Variants in CSMD3 observed in about 807,000 individuals in gnomAD.
The protein encoded by CSMD3 is CUB and Sushi multiple domains 3.
Under a neutral mutation model 435.2 loss-of-function variants are expected in CSMD3, and 177 were observed. That is an observed-to-expected ratio of 0.41 (90% CI 0.36 to 0.46). CSMD3 has a LOEUF of 0.46. Among genes scored for constraint, CSMD3 ranks in the 20% least tolerant of loss-of-function variants. The pLI is 0.34. For missense variants in CSMD3, 4,265 were observed against 4,504.6 expected (o/e 0.95, Z 1.52); for synonymous variants, 1,656 against 1,520.5 (o/e 1.09, Z -2.07).
At chr8:113,244,458 G>A (rs1203652181) in intron 3 of CSMD3, among the ~76,000 whole-genome samples, 1 of 152,130 alleles carries the variant, frequency 6.6e-6, no homozygotes, top group Admixed American at 6.6e-5. Flanking sequence ...TGGGATTACA[G>A]GCATGTGTCA....
intron 4 of CSMD3, among the ~76,000 whole-genome samples, chr8:113,156,503 A>T (rs1271211056): frequency 6.6e-6 from 1 of 151,922 alleles, no homozygotes; most frequent in East Asian, 1.9e-4. Flanking sequence ...ACTAAAAAAA[A>T]ATTAATATAT....
At chr8:112,651,918 T>C (rs1385867459) in intron 18 of CSMD3, among the ~76,000 whole-genome samples, 2 of 152,096 alleles carry the variant, frequency 1.3e-5, no homozygotes, top group African/African-American at 2.4e-5. Flanking sequence ...TCCATTCTCA[T>C]TGAAAAGCAT....
At chr8:112,398,348 TA>T (rs1211523013) in intron 35 of CSMD3, among the ~76,000 whole-genome samples, 1 of 152,132 alleles carries the variant, frequency 6.6e-6, no homozygotes, top group Non-Finnish European at 1.5e-5. Context: ...TCTCACAGGT[TA>T]GAGTTGCATG....
chr8:113,355,749 T>TATACAC (rs1357514892), intron 1 of CSMD3, among the ~76,000 whole-genome samples: 151 of 81,314 alleles, frequency 1.9e-3, no homozygotes, highest in African/African-American at 5.7e-3. Context: ...TATATATATA[T>TATACAC]ACACACACAC....
chr8:112,258,963 C>T (rs1363222845), intron 61 of CSMD3, among the ~76,000 whole-genome samples: 9 of 151,876 alleles, frequency 5.9e-5, no homozygotes, highest in Admixed American at 1.3e-4. Context: ...GGCGAGAACC[C>T]GGGAGGCGGA....
chr8:113,314,386 A>G, intron 2 of CSMD3, 185 bp downstream of exon 2: 1 of 596,792 alleles, frequency 1.7e-6, no homozygotes, highest in Non-Finnish European at 3.0e-6. Context: ...ATGTACTAGC[A>G]ATATGACATC....
At chr8:112,926,192 T>C (rs2082903383) in intron 9 of CSMD3, among the ~76,000 whole-genome samples, 1 of 152,160 alleles carries the variant, frequency 6.6e-6, no homozygotes, top group Non-Finnish European at 1.5e-5. Context: ...CTGTATTAAC[T>C]GTTTTAATAT....
intron 1 of CSMD3, among the ~76,000 whole-genome samples, chr8:113,425,134 T>G (rs1226124644): frequency 1.3e-5 from 2 of 151,460 alleles, no homozygotes; most frequent in Admixed American, 1.3e-4. Flanking sequence ...CTAGAACTGA[T>G]AAGTAACCCA....
intron 1 of CSMD3, among the ~76,000 whole-genome samples, chr8:113,340,770 A>AAGGCATG (rs2094112958): frequency 1.3e-5 from 2 of 151,878 alleles, no homozygotes; most frequent in African/African-American, 2.4e-5. Context: ...TCAGGAGGCT[A>AAGGCATG]AGGCATGAGA....
intron 3 of CSMD3, among the ~76,000 whole-genome samples, chr8:113,195,989 G>A (rs1038580528): frequency 1.3e-5 from 2 of 150,258 alleles, no homozygotes; most frequent in Admixed American, 1.3e-4. Flanking sequence ...ATGAGGAAAG[G>A]TGTCATCCTT....
chr8:112,512,196 T>A (rs886930091), intron 28 of CSMD3, among the ~76,000 whole-genome samples: 6 of 152,220 alleles, frequency 3.9e-5, no homozygotes, highest in Admixed American at 2.6e-4. Context: ...CATCTAAAAT[T>A]GTAAATTCTT....
chr8:112,580,811 C>A (rs1167752043), intron 23 of CSMD3, among the ~76,000 whole-genome samples: 1 of 151,954 alleles, frequency 6.6e-6, no homozygotes, highest in Non-Finnish European at 1.5e-5. Context: ...AGATAATGCC[C>A]TAGGACAAAA....
chr8:112,492,443 G>GGCTGA, intron 31 of CSMD3, 46 bp downstream of exon 31: 1 of 1,463,366 alleles, frequency 6.8e-7, no homozygotes, highest in Non-Finnish European at 9.6e-7. Flanking sequence ...AATATTTTTT[G>GGCTGA]ATTTTTTCTA....
At chr8:113,421,653 C>A (rs554792922) in intron 1 of CSMD3, among the ~76,000 whole-genome samples, 2 of 152,060 alleles carry the variant, frequency 1.3e-5, no homozygotes, top group African/African-American at 4.8e-5. Flanking sequence ...GGATTCGGAA[C>A]CAAGGTCTCC....
At chr8:112,334,989 T>C (rs907432906) in intron 45 of CSMD3, among the ~76,000 whole-genome samples, 8 of 152,164 alleles carry the variant, frequency 5.3e-5, no homozygotes, top group African/African-American at 1.9e-4. Flanking sequence ...ACATTTTGTA[T>C]AGGAAAAAAA....
intron 13 of CSMD3, among the ~76,000 whole-genome samples, chr8:112,785,274 C>A (rs2078507899): frequency 6.6e-6 from 1 of 151,722 alleles, no homozygotes. Context: ...AGAATAAAAG[C>A]CATATACAAC....
chr8:112,542,987 T>A (rs1476046521), intron 27 of CSMD3, among the ~76,000 whole-genome samples: 1 of 151,962 alleles, frequency 6.6e-6, no homozygotes, highest in Non-Finnish European at 1.5e-5. Context: ...GTACCAGGAA[T>A]GCACAAAGGG....
chr8:112,663,014 G>A (rs2075425368), intron 17 of CSMD3, among the ~76,000 whole-genome samples: 1 of 152,100 alleles, frequency 6.6e-6, no homozygotes, highest in South Asian at 2.1e-4. Context: ...TCATTAAAAA[G>A]TCAGGAAACA....
rs554635418 is a variant in CSMD3 at position 112,631,551 on chromosome 8, T to C, written c.3715+5266A>G. Among the ~76,000 whole-genome samples the C allele has an allele frequency of 7.2e-5, 11 of 152,238 alleles. No homozygotes were observed. In the East Asian group the frequency reaches 1.7e-3, roughly 24 times the overall value. The stretch of plus-strand genomic sequence containing the variant: ...CTCGTACATTTCTTTTATTTATTAA[T>C]TGTAACATTTCTGAGCATGCATTTT... On this transcript the variant is annotated intron_variant, in intron 22 of 70. Coordinates refer to ENST00000297405, the MANE Select transcript of CSMD3 (RefSeq NM_198123.2).
Sources: gnomAD v4.1 joint callset for allele counts (sites outside exome capture counted in the v4.1 genomes callset) on GRCh38, gnomAD v4.1.1 for gene constraint, MANE v1.5 for transcripts, NCBI Gene and HGNC (gene_info 2026-07-23, HGNC 2026-07-21) for gene names.